The following ASCC2 variants were observed in gnomAD, a reference collection of about 807,000 sequenced individuals.
The protein encoded by ASCC2 is activating signal cointegrator 1 complex subunit 2.
ASCC2 carries 42 observed loss-of-function variants against 93.5 expected under a neutral mutation model. The observed-to-expected ratio is 0.45, with a 90% CI of 0.35 to 0.58. The LOEUF is 0.58. ASCC2 is among the 20% of genes least tolerant of loss of function. The probability of loss-of-function intolerance (pLI) is 0.00; values close to 1 mark genes in which losing one functional copy is unlikely to be tolerated. For synonymous variants in ASCC2, 364 were observed against 384.2 expected (o/e 0.95, Z 0.62); for missense variants, 859 against 977.6 (o/e 0.88, Z 1.62).
intron 15 of ASCC2, among the ~76,000 whole-genome samples, chr22:29,794,718 G>C (rs1355768771): frequency 6.6e-6 from 1 of 152,202 alleles, no homozygotes; most frequent in Non-Finnish European, 1.5e-5. Context: ...TCGTTGTGTG[G>C]TAGTTGTCAA....
intron 1 of ASCC2, among the ~76,000 whole-genome samples, chr22:29,833,848 A>G (rs2063446015): frequency 6.6e-6 from 1 of 151,286 alleles, no homozygotes; most frequent in South Asian, 2.1e-4. Context: ...GCTTAATGAT[A>G]TGAAGAGCTC....
At chr22:29,814,621 C>T (rs376134175) in intron 7 of ASCC2, 36 bp downstream of exon 7, 16 of 1,540,932 alleles carry the variant, frequency 1.0e-5, no homozygotes, top group Admixed American at 8.0e-5. Context: ...TGGAGGGACC[C>T]GGCAGGAAAG....
In ASCC2 at chr22:29,825,774, C is replaced by T. The variant is rs966876126; in HGVS notation, c.88G>A (p.Glu30Lys). ...KLRTSPALHP[E>K]QKADRYFVLY... ...ACAAAATACCGGTCTGCCTTCTGCT[C>T]GGGGTGCTACGGATCCAAAAACCAC... is the stretch of plus-strand genomic sequence containing the variant. The change falls in exon 3 of 20, where the codon GAG becomes AAG. Residue 30 changes from glutamate to lysine, a missense_variant. Transcript: ENST00000307790. The surrounding 1 kb of genome is among the most constrained non-coding windows in gnomAD (Gnocchi z 4.9). 12 of 1,604,174 alleles carry T rather than the reference C, an allele frequency of 7.5e-6. No homozygotes were observed. Among genetic ancestry groups the T allele is most frequent in the African/African-American group, 5.4e-5 (4 of 74,680 alleles).
chr22:29,824,744 A>T (rs1017435628), intron 4 of ASCC2, among the ~76,000 whole-genome samples: 1 of 117,680 alleles, frequency 8.5e-6, no homozygotes, highest in South Asian at 2.6e-4. Context: ...TAAAGTCAGG[A>T]AAAAAAAAAC....
At chr22:29,817,090 C>T (rs531786163) in intron 5 of ASCC2, among the ~76,000 whole-genome samples, 2 of 152,266 alleles carry the variant, frequency 1.3e-5, no homozygotes, top group Admixed American at 6.5e-5. Flanking sequence ...GTAAGCAAGT[C>T]ACTAGGTGGC....
At chr22:29,828,524 T>C (rs772064732) in intron 2 of ASCC2, among the ~76,000 whole-genome samples, 5 of 152,166 alleles carry the variant, frequency 3.3e-5, no homozygotes, top group Admixed American at 6.5e-5. Context: ...TGCAGACCTA[T>C]TAAATGACCT....
At chr22:29,833,115 T>C (rs1466054075) in intron 1 of ASCC2, among the ~76,000 whole-genome samples, 2 of 152,156 alleles carry the variant, frequency 1.3e-5, no homozygotes, top group Non-Finnish European at 2.9e-5. Flanking sequence ...GCTAAAAATA[T>C]GTAGATTCCC....
At chr22:29,797,236 C>T (rs2058549922) in intron 15 of ASCC2, among the ~76,000 whole-genome samples, 1 of 152,202 alleles carries the variant, frequency 6.6e-6, no homozygotes, top group South Asian at 2.1e-4. Context: ...CCTCAGCCTC[C>T]AAGATGGGAG....
At chr22:29,813,634 C>T (rs1488315724) in intron 7 of ASCC2, 92 bp from the exon 8 acceptor site, 3 of 845,058 alleles carry the variant, frequency 3.6e-6, no homozygotes, top group African/African-American at 3.4e-5. Context: ...AGTCAGGGTC[C>T]CAAACAGGCA....
chr22:29,805,329 T>G (rs2147770238), intron 12 of ASCC2, among the ~76,000 whole-genome samples: 1 of 152,320 alleles, frequency 6.6e-6, no homozygotes, highest in East Asian at 1.9e-4. Flanking sequence ...CCCTGGGCAC[T>G]GTCAAGCCAG....
In ASCC2 at chr22:29,801,070, G is replaced by A; in HGVS notation, c.1609C>T (p.His537Tyr). 6.2e-7 allele frequency: 1 copy of A among 1,609,004 alleles called. No homozygotes were observed. Among genetic ancestry groups the A allele is most frequent in the Non-Finnish European group, 8.5e-7 (1 of 1,175,868 alleles). ...AACTCGTCATTCTGGAAGACGTTGT[G>A]GCGAGACGTCAGCAGGGGTGTAGGG... ...PDPTPLLTSR[H>Y]NVFQNDEFDV... Residue 537 changes from histidine (H) to tyrosine (Y), a missense_variant, in exon 15 of 20, where the codon CAC (histidine) becomes TAC (tyrosine). His to Tyr is a moderately conservative substitution (Grantham distance 83, BLOSUM62 2). Coordinates refer to ENST00000307790, the MANE Select transcript of ASCC2 (RefSeq NM_032204.5).
At chr22:29,804,143 A>T (rs988423217) in intron 13 of ASCC2, among the ~76,000 whole-genome samples, 14 of 152,188 alleles carry the variant, frequency 9.2e-5, no homozygotes, top group African/African-American at 3.1e-4. Flanking sequence ...CTTGGTGGCC[A>T]ATCAAGACAG....
chr22:29,804,238 C>T (rs2059415946), intron 13 of ASCC2, among the ~76,000 whole-genome samples: 1 of 152,224 alleles, frequency 6.6e-6, no homozygotes, highest in South Asian at 2.1e-4. Context: ...AATCCTGGAG[C>T]CCCACGGAGG....
chr22:29,827,464 C>T (rs2062513563), intron 2 of ASCC2: 2 of 414,344 alleles, frequency 4.8e-6, no homozygotes, highest in Non-Finnish European at 1.0e-5. Flanking sequence ...TCTATGCCTT[C>T]CTAGTGCCTT....
At chr22:29,814,631 G>C (rs761983042) in intron 7 of ASCC2, 26 bp downstream of exon 7, 2 of 1,562,086 alleles carry the variant, frequency 1.3e-6, no homozygotes, top group South Asian at 2.4e-5. Context: ...CGGCAGGAAA[G>C]AGACTGGGCC....
At chr22:29,792,943 G>A (rs1372724755) in intron 17 of ASCC2, among the ~76,000 whole-genome samples, 1 of 152,134 alleles carries the variant, frequency 6.6e-6, no homozygotes, top group African/African-American at 2.4e-5. Context: ...CCCAGGAGGT[G>A]AGACTAGTCT....
chr22:29,811,221 C>T (rs1419857805), intron 8 of ASCC2, among the ~76,000 whole-genome samples: 1 of 152,210 alleles, frequency 6.6e-6, no homozygotes, highest in Admixed American at 6.5e-5. Context: ...TCATAATATG[C>T]CAGCCTTAAA....
chr22:29,829,301 G>A (rs1019686605), intron 2 of ASCC2, among the ~76,000 whole-genome samples: 2 of 152,212 alleles, frequency 1.3e-5, no homozygotes, highest in Non-Finnish European at 2.9e-5. Flanking sequence ...CTTCCCAGCT[G>A]TCTCCCCCAC....
At position 29,793,694 on chromosome 22, in the gene ASCC2, A is replaced by G; in HGVS notation, c.1689-18T>C. The G allele has an allele frequency of 6.5e-7, 1 of 1,547,042 alleles. No homozygotes were observed. The highest frequency in any genetic ancestry group is 1.2e-5 in the South Asian group (1 of 84,412). On this transcript the variant is annotated intron_variant, in intron 15 of 19. Coordinates refer to ENST00000307790, the MANE Select transcript of ASCC2 (RefSeq NM_032204.5). Reference sequence around the variant, plus strand: ...TCCTGGTGCTGAGAAGGAACAGCAGAAAGAGAGGAAGGAAAACCATCAGGC... The same window carrying G: ...TCCTGGTGCTGAGAAGGAACAGCAGGAAGAGAGGAAGGAAAACCATCAGGC...
Sources: gnomAD v4.1 joint callset for allele counts (sites outside exome capture counted in the v4.1 genomes callset) on GRCh38, gnomAD v4.1.1 for gene constraint, Gnocchi (gnomAD v3.1) non-coding constraint, MANE v1.5 for transcripts, NCBI Gene and HGNC (gene_info 2026-07-23, HGNC 2026-07-21) for gene names.